PPIG: variants seen among roughly 807,000 people sequenced by gnomAD.
PPIG encodes the protein peptidyl-prolyl cis-trans isomerase G.
A neutral mutation model predicts 87.9 loss-of-function variants in PPIG; 26 were observed. That is an observed-to-expected ratio of 0.30 (90% confidence interval 0.22 to 0.41). The LOEUF is 0.41. PPIG is among the 10% of genes least tolerant of loss of function. The pLI, the probability that PPIG is intolerant of heterozygous loss-of-function variation, is 1.00. For synonymous variants in PPIG, 308 were observed against 276.5 expected, an observed-to-expected ratio of 1.11 and a Z score of -1.13; for missense variants, 722 against 879.4, an observed-to-expected ratio of 0.82 and a Z score of 2.26.
chr2:169,634,752 T>C (rs373060569), intron 12 of PPIG, among the ~76,000 whole-genome samples: 6,692 of 152,266 alleles, frequency 0.044, 217 homozygotes, highest in East Asian at 0.18. Flanking sequence ...GCCTCCTAAA[T>C]ATTCAGAAAT....
intron 1 of PPIG, among the ~76,000 whole-genome samples, chr2:169,590,802 C>T (rs1204549213): frequency 6.6e-6 from 1 of 151,994 alleles, no homozygotes; most frequent in Admixed American, 6.6e-5. Context: ...GCATCTTAAT[C>T]GTTAAAAATA....
chr2:169,609,266 T>C lies in PPIG; in HGVS notation c.377+508T>C, dbSNP rs372828208. Among the ~76,000 whole-genome samples, 4 of 152,096 alleles carry C rather than the reference T, an allele frequency of 2.6e-5. No individual in the cohort carries two copies. In the East Asian group the frequency reaches 7.8e-4, roughly 30 times the overall value. On this transcript the variant is annotated intron_variant, in intron 7 of 13. Coordinates refer to ENST00000260970, the MANE Select transcript of PPIG (RefSeq NM_004792.3). The stretch of plus-strand genomic sequence containing the variant: ...TGCTCTGTCACCCAGGCGAGTGCAG[T>C]GTTGCAATCATGGCTCACCACAGCC...
At chr2:169,629,971 T>C (rs1439607404) in intron 9 of PPIG, among the ~76,000 whole-genome samples, 1 of 152,174 alleles carries the variant, frequency 6.6e-6, no homozygotes, top group African/African-American at 2.4e-5. Flanking sequence ...TATATATCAA[T>C]ATTGTCCCAT....
chr2:169,623,256 G>C (rs1238279430), intron 9 of PPIG, among the ~76,000 whole-genome samples: 4 of 152,174 alleles, frequency 2.6e-5, no homozygotes, highest in African/African-American at 9.7e-5. Flanking sequence ...CCTTGATTAA[G>C]ATATTTCCTA....
At chr2:169,608,072 T>G (rs567545358) in intron 6 of PPIG, among the ~76,000 whole-genome samples, 3 of 152,316 alleles carry the variant, frequency 2.0e-5, no homozygotes, top group East Asian at 3.9e-4. Context: ...TTTATTTAAA[T>G]AAAGTGGTGT....
intron 1 of PPIG, among the ~76,000 whole-genome samples, chr2:169,590,908 G>A (rs1227668703): frequency 6.6e-6 from 1 of 152,226 alleles, no homozygotes; most frequent in Admixed American, 6.5e-5. Context: ...TCGGGAGGCT[G>A]AGGTAGGAGG....
rs1245039593 is a variant in PPIG, at chr2:169,631,835, C to A, written c.831C>A (p.Ile277=). 3 of 1,613,344 alleles carry A rather than the reference C, an allele frequency of 1.9e-6. No homozygotes were observed. In the Admixed American group the frequency reaches 5.0e-5, roughly 27 times the overall value. The change falls in exon 11 of 14, where the codon ATC becomes ATA. Residue 277 remains isoleucine (I), a synonymous_variant. Transcript: ENST00000260970. Reference sequence around the variant, plus strand: ...AGTCTACTGTCCGTCCAGAAGAGATCCCTCCTATACCTGAAAATAGATTCC... The same window carrying A: ...AGTCTACTGTCCGTCCAGAAGAGATACCTCCTATACCTGAAAATAGATTCC... The part of the protein sequence containing the change: ...QPQSTVRPEE[I]PPIPENRFLM...
At chr2:169,592,308 T>TC (rs1559173937) in intron 1 of PPIG, among the ~76,000 whole-genome samples, 2 of 135,120 alleles carry the variant, frequency 1.5e-5, no homozygotes, top group African/African-American at 2.8e-5. Context: ...TTTTTCTTTT[T>TC]TTTTTTTTTT....
chr2:169,621,081 G>A (rs781436158), intron 9 of PPIG, among the ~76,000 whole-genome samples: 4 of 152,082 alleles, frequency 2.6e-5, no homozygotes, highest in South Asian at 4.1e-4. Context: ...ACCCAAGTTC[G>A]AGAATTAGAA....
In PPIG at chr2:169,632,456, T is replaced by G. The variant is rs1029791684; in HGVS notation, c.929+523T>G. ...TTTATCAGTCATTTTAATAACTATGTCCAGGCTGGGCGCAGTGGCTCACGC... is the reference window on the plus strand; with the variant it reads ...TTTATCAGTCATTTTAATAACTATGGCCAGGCTGGGCGCAGTGGCTCACGC... On this transcript the variant is annotated intron_variant, in intron 11 of 13. Coordinates refer to ENST00000260970, the MANE Select transcript of PPIG (RefSeq NM_004792.3). Among the ~76,000 whole-genome samples, 3 of 152,212 alleles carry G rather than the reference T, an allele frequency of 2.0e-5. No individual in the cohort carries two copies. The South Asian group carries it at 6.2e-4, about 31-fold the overall frequency.
In PPIG at chr2:169,637,693, T is replaced by C; in HGVS notation, c.*170T>C. The C allele has an allele frequency of 1.5e-6, 1 of 669,108 alleles. No homozygotes were observed. Among genetic ancestry groups the C allele is most frequent in the South Asian group, 2.5e-5 (1 of 39,392 alleles). The allele number at this position is 669,108 out of a possible 1,614,324, so 41.4% of individuals were successfully genotyped here. A position where few individuals can be genotyped will look rare whatever the true frequency, so the allele number is the denominator to read the frequency against. On this transcript the variant is annotated 3_prime_UTR_variant, in exon 14 of 14. Transcript: ENST00000260970. Reference sequence around the variant, plus strand: ...GAGTTGATTTTTTGATAATCTGCAATCTGGATAATTTGTACTGCTAAAGTT... The same window carrying C: ...GAGTTGATTTTTTGATAATCTGCAACCTGGATAATTTGTACTGCTAAAGTT...
Position 169,636,980 on chromosome 2 carries a change from A to G in PPIG, c.1722A>G (p.Arg574=), listed in dbSNP as rs1419082692. ...ERSRSRDRSR[R]VRSRTHDRDR... ...GCAGAAGTAGGGACAGAAGCAGAAGAGTGCGATCAAGAACCCATGACAGAG... is the reference window on the plus strand; with the variant it reads ...GCAGAAGTAGGGACAGAAGCAGAAGGGTGCGATCAAGAACCCATGACAGAG... The change falls in exon 14 of 14, where the codon AGA becomes AGG. Residue 574 remains arginine (R), a synonymous_variant. Coordinates refer to ENST00000260970, the MANE Select transcript of PPIG (RefSeq NM_004792.3). The G allele has an allele frequency of 1.2e-6, 2 of 1,613,994 alleles. No individual in the cohort carries two copies. The highest frequency in any genetic ancestry group is 1.1e-5 in the South Asian group (1 of 91,068).
At chr2:169,590,758 G>A (rs1053111052) in intron 1 of PPIG, among the ~76,000 whole-genome samples, 2 of 152,220 alleles carry the variant, frequency 1.3e-5, no homozygotes, top group African/African-American at 4.8e-5. Context: ...ACGGGAATCA[G>A]TGAGGAGAAT....
Position 169,637,074 on chromosome 2 carries a change from A to T in PPIG, c.1816A>T (p.Ser606Cys). ...ATACAGGAGAAGAGGACGGTCACGAAGCCGAGAGAGAAGAACACCACCAGG... is the reference window on the plus strand; with the variant it reads ...ATACAGGAGAAGAGGACGGTCACGATGCCGAGAGAGAAGAACACCACCAGG... ...QEYRRRGRSR[S>C]RERRTPPGRS... is the part of the protein sequence containing the mutation. Residue 606 changes from serine (S) to cysteine (C), a missense_variant, in exon 14 of 14, where the codon AGC (serine) becomes TGC (cysteine). Physicochemically the swap from Ser to Cys is moderately radical, Grantham distance 112. Transcript: ENST00000260970. 1 of 1,613,450 alleles carries T rather than the reference A, an allele frequency of 6.2e-7. No individual in the cohort carries two copies. Among genetic ancestry groups the T allele is most frequent in the Non-Finnish European group, 8.5e-7 (1 of 1,179,772 alleles).
In PPIG at chr2:169,631,004, T is replaced by C; in HGVS notation, c.761+17T>C. 1 of 1,548,920 alleles carries C rather than the reference T, an allele frequency of 6.5e-7. No individual in the cohort carries two copies. Among genetic ancestry groups the C allele is most frequent in the Middle Eastern group, 1.7e-4 (1 of 5,736 alleles). ...CAAGAAGAGGTCTTAATTTTACTTTTCTAATGCTAGCTTTATATTCTGATT... is the reference window on the plus strand; with the variant it reads ...CAAGAAGAGGTCTTAATTTTACTTTCCTAATGCTAGCTTTATATTCTGATT... On this transcript the variant is annotated intron_variant, in intron 10 of 13. Coordinates refer to ENST00000260970, the MANE Select transcript of PPIG (RefSeq NM_004792.3).
chr2:169,614,841 T>C, intron 9 of PPIG, 117 bp downstream of exon 9: 1 of 1,206,568 alleles, frequency 8.3e-7, no homozygotes, highest in Non-Finnish European at 1.1e-6. Flanking sequence ...GTTTTTGTTT[T>C]AAAATGTATT....
chr2:169,630,955 A>G lies in PPIG; in HGVS notation c.729A>G (p.Lys243=), dbSNP rs1686033159. 4 of 1,596,506 alleles carry G rather than the reference A, an allele frequency of 2.5e-6. No individual in the cohort carries two copies. The highest frequency in any genetic ancestry group is 3.4e-6 in the Non-Finnish European group (4 of 1,176,022). The change falls in exon 10 of 14, where the codon AAA becomes AAG. Residue 243 remains lysine, a synonymous_variant. Transcript: ENST00000260970. ...GGAAAAATTCCCGAAAACACAAGAA[A>G]GAAAAGAAAAAGCGAAAGAAAAGCA... ...KHRKNSRKHK[K]EKKKRKKSKK...
At chr2:169,630,753 A>G in intron 9 of PPIG, 21 bp from the exon 10 acceptor site, 1 of 1,570,772 alleles carries the variant, frequency 6.4e-7, no homozygotes, top group Non-Finnish European at 8.6e-7. Flanking sequence ...GTTGATCAAA[A>G]CCTTTTTGTT....
chr2:169,632,410 T>C (rs189463704), intron 11 of PPIG, among the ~76,000 whole-genome samples: 1 of 152,292 alleles, frequency 6.6e-6, no homozygotes, highest in East Asian at 1.9e-4. Context: ...ACATTATTAA[T>C]ATCTGTAATG....
Sources: allele counts gnomAD v4.1 joint callset (sites outside exome capture counted in the v4.1 genomes callset), GRCh38; gene constraint gnomAD v4.1.1; transcripts MANE v1.5; gene names NCBI Gene and HGNC (gene_info 2026-07-23, HGNC 2026-07-21).